NCK2: variants seen among roughly 807,000 people sequenced by gnomAD.
NCK2 encodes NCK adaptor protein 2.
A neutral mutation model predicts 33.9 loss-of-function variants in NCK2; 16 were observed. That is an observed-to-expected ratio of 0.47 (90% CI 0.32 to 0.72). NCK2 has a LOEUF of 0.72. Ranked by LOEUF, NCK2 falls within the 30% of genes least tolerant of loss-of-function variation. NCK2 has a pLI of 0.03. For synonymous variants in NCK2, 273 were observed against 239.9 expected (o/e 1.14, Z -1.27); for missense variants, 418 against 537.3 (o/e 0.78, Z 2.19).
chr2:105,807,767 T>TCCCTCCCTCCCTCCCTTCCCTCTATCC (rs1675118391), intron 1 of NCK2, among the ~76,000 whole-genome samples: 1 of 8,304 alleles, frequency 1.2e-4, no homozygotes, highest in Non-Finnish European at 2.2e-4. Flanking sequence ...CCCTCCCTTC[T>TCCCTCCCTCCCTCCCTTCCCTCTATCC]CTCCCTCCCT....
In NCK2 at chr2:105,869,031, T is replaced by C. The variant is rs989092683; in HGVS notation, c.227-12297T>C. On this transcript the variant is annotated intron_variant, in intron 3 of 4. Coordinates refer to ENST00000233154, the MANE Select transcript of NCK2 (RefSeq NM_003581.5). ...AGAGCACTTATGTCTCAGTAACGTTTGTTTGTCCAAAGCAGCATACGATCC... is the reference window on the plus strand; with the variant it reads ...AGAGCACTTATGTCTCAGTAACGTTCGTTTGTCCAAAGCAGCATACGATCC... 2.0e-5 allele frequency among the ~76,000 whole-genome samples: 3 copies of C among 152,164 alleles called. 1 individual carries two copies. The South Asian group carries it at 6.2e-4, about 31-fold the overall frequency.
intron 3 of NCK2, among the ~76,000 whole-genome samples, chr2:105,866,220 T>C (rs1677748166): frequency 1.3e-5 from 2 of 152,202 alleles, no homozygotes; most frequent in African/African-American, 4.8e-5. Context: ...AGCTGGGATA[T>C]TACTTTTAAA....
chr2:105,875,270 C>T (rs1678187815), intron 3 of NCK2, among the ~76,000 whole-genome samples: 1 of 152,220 alleles, frequency 6.6e-6, no homozygotes, highest in African/African-American at 2.4e-5. Flanking sequence ...TCACTCGTCT[C>T]ATCTGTGGAG....
At chr2:105,784,552 T>C (rs1690606563) in intron 1 of NCK2, among the ~76,000 whole-genome samples, 1 of 152,234 alleles carries the variant, frequency 6.6e-6, no homozygotes, top group Admixed American at 6.5e-5. Context: ...AATGTAGAGA[T>C]GTATTCAGGT....
chr2:105,879,804 C>T (rs1678397650), intron 3 of NCK2, among the ~76,000 whole-genome samples: 1 of 152,246 alleles, frequency 6.6e-6, no homozygotes. Context: ...ACAAGTAATT[C>T]TTAGGACTGA....
chr2:105,768,016 A>C (rs4851855), intron 1 of NCK2, among the ~76,000 whole-genome samples: 51,201 of 152,088 alleles, frequency 0.34, 9,738 homozygotes, highest in East Asian at 0.46. Context: ...AAGACATCTC[A>C]AGCAGCACTG....
intron 3 of NCK2, among the ~76,000 whole-genome samples, chr2:105,861,587 T>A (rs1277320276): frequency 2.0e-5 from 3 of 150,164 alleles, no homozygotes; most frequent in Non-Finnish European, 4.4e-5. Flanking sequence ...CAATCTCGGC[T>A]CACTGCAACC....
chr2:105,878,727 T>A (rs1374237110), intron 3 of NCK2, among the ~76,000 whole-genome samples: 1 of 152,210 alleles, frequency 6.6e-6, no homozygotes, highest in Non-Finnish European at 1.5e-5. Context: ...GTAATTTGAC[T>A]AAGAGCATGC....
At chr2:105,888,906 C>A (rs920691718) in intron 4 of NCK2, among the ~76,000 whole-genome samples, 2 of 152,202 alleles carry the variant, frequency 1.3e-5, no homozygotes, top group African/African-American at 2.4e-5. Flanking sequence ...ATCCTGACTG[C>A]ATGTTTCAAA....
At chr2:105,829,978 A>G (rs778896517) in intron 2 of NCK2, among the ~76,000 whole-genome samples, 1 of 152,006 alleles carries the variant, frequency 6.6e-6, no homozygotes, top group Non-Finnish European at 1.5e-5. Context: ...TTACTTATTC[A>G]TTCTAATTGT....
chr2:105,773,198 G>A (rs973231906), intron 1 of NCK2, among the ~76,000 whole-genome samples: 28 of 151,800 alleles, frequency 1.8e-4, no homozygotes, highest in South Asian at 2.1e-4. Context: ...CTACCATCTG[G>A]CCGTCACTCA....
intron 3 of NCK2, among the ~76,000 whole-genome samples, chr2:105,861,499 G>T (rs1389411954): frequency 6.8e-6 from 1 of 147,508 alleles, no homozygotes; most frequent in Admixed American, 7.0e-5. Context: ...TATTGGTGCC[G>T]TTGAGGTTTT....
At chr2:105,886,154 A>G (rs952219297) in intron 4 of NCK2, among the ~76,000 whole-genome samples, 5 of 152,204 alleles carry the variant, frequency 3.3e-5, no homozygotes, top group Non-Finnish European at 7.3e-5. Context: ...ATAACAAGTT[A>G]TTTTTAATTG....
At chr2:105,814,069 G>GT (rs397766981) in intron 1 of NCK2, among the ~76,000 whole-genome samples, 3 of 152,278 alleles carry the variant, frequency 2.0e-5, no homozygotes, top group East Asian at 3.9e-4. Context: ...GGCTGATACT[G>GT]TTTTTTGCAC....
chr2:105,759,255 C>T (rs943643529), intron 1 of NCK2, among the ~76,000 whole-genome samples: 2 of 152,116 alleles, frequency 1.3e-5, no homozygotes, highest in African/African-American at 2.4e-5. Flanking sequence ...TGCAGTATAT[C>T]GTTTTACGTA....
At chr2:105,780,583 G>T (rs1470858654) in intron 1 of NCK2, among the ~76,000 whole-genome samples, 1 of 152,198 alleles carries the variant, frequency 6.6e-6, no homozygotes, top group Non-Finnish European at 1.5e-5. Context: ...TAATTATGCT[G>T]AAACATCAGT....
intron 3 of NCK2, among the ~76,000 whole-genome samples, chr2:105,872,912 A>G (rs751445334): frequency 4.3e-4 from 65 of 152,208 alleles, no homozygotes; most frequent in Non-Finnish European, 2.1e-4. Context: ...CAGTGAGTAC[A>G]TTCTGATGCC....
chr2:105,849,436 G>C (rs141623514), intron 2 of NCK2, among the ~76,000 whole-genome samples: 83 of 152,284 alleles, frequency 5.5e-4, no homozygotes, highest in African/African-American at 1.9e-3. Context: ...TCTCTGTGGC[G>C]GGATAAATTG....
chr2:105,887,102 G>A lies in NCK2; in HGVS notation c.948+5053G>A, dbSNP rs941667425. ...ACATAGGGTCAACTGACAGCTAGCA[G>A]CATAAGTATAGGCAGGAGTAATTTT... On this transcript the variant is annotated intron_variant, in intron 4 of 4. Coordinates refer to ENST00000233154, the MANE Select transcript of NCK2 (RefSeq NM_003581.5). Among the ~76,000 whole-genome samples, 9 of 152,192 alleles carry A rather than the reference G, an allele frequency of 5.9e-5. No individual in the cohort carries two copies. The East Asian group carries it at 7.7e-4, about 13-fold the overall frequency.
Sources: allele counts gnomAD v4.1 joint callset (sites outside exome capture counted in the v4.1 genomes callset), GRCh38; gene constraint gnomAD v4.1.1; transcripts MANE v1.5; gene names NCBI Gene and HGNC (gene_info 2026-07-23, HGNC 2026-07-21).